Variants in CLCA1 observed in about 807,000 individuals in gnomAD.
CLCA1 encodes chloride channel accessory 1.
CLCA1 carries 59 observed loss-of-function variants against 85.6 expected under a neutral mutation model. That is an observed-to-expected ratio of 0.69 (90% CI 0.56 to 0.86). CLCA1 has a LOEUF of 0.86. CLCA1 is among the 40% of genes least tolerant of loss of function. CLCA1 has a pLI of 0.00. For synonymous variants in CLCA1, 396 were observed against 398.3 expected (o/e 0.99, Z 0.07); for missense variants, 1,022 against 1,101.4 (o/e 0.93, Z 1.02).
Position 86,469,137 on chromosome 1 carries a change from A to G in CLCA1, c.162+4A>G. On this transcript the variant is annotated splice_donor_region_variant and intron_variant, in intron 1 of 13. Transcript: ENST00000394711. ...AACACTCATTCAACAAATAAAGGTA[A>G]GTTCATAGTAATTATCCATACTTTT... 1 of 1,588,964 alleles carries G rather than the reference A, an allele frequency of 6.3e-7. No individual in the cohort carries two copies. Among genetic ancestry groups the G allele is most frequent in the Non-Finnish European group, 8.6e-7 (1 of 1,163,978 alleles).
intron 8 of CLCA1, among the ~76,000 whole-genome samples, chr1:86,489,657 C>T (rs1253650210): frequency 6.6e-6 from 1 of 152,086 alleles, no homozygotes; most frequent in Non-Finnish European, 1.5e-5. Flanking sequence ...AAGATCACTC[C>T]CAAAATGGAA....
chr1:86,485,208 T>C, intron 5 of CLCA1, 135 bp from the exon 6 acceptor site: 2 of 678,706 alleles, frequency 2.9e-6, no homozygotes, highest in Non-Finnish European at 5.1e-6. Flanking sequence ...ACTGTGATTT[T>C]CCCCAGCACT....
chr1:86,488,385 T>G (rs1290945246), intron 7 of CLCA1, among the ~76,000 whole-genome samples: 2 of 152,164 alleles, frequency 1.3e-5, no homozygotes, highest in African/African-American at 4.8e-5. Flanking sequence ...AATAAATAAA[T>G]AATCCAAATA....
At position 86,494,172 on chromosome 1, in the gene CLCA1, A is replaced by G. The variant is rs780887432; in HGVS notation, c.1681-15A>G. The G allele has an allele frequency of 6.2e-7, 1 of 1,613,492 alleles. No homozygotes were observed. Among genetic ancestry groups the G allele is most frequent in the Non-Finnish European group, 8.5e-7 (1 of 1,179,438 alleles). Reference sequence around the variant, plus strand: ...GAAGTTATTCATTGGAAATGTTTACATGTGTTTTGGTCAGGTTGGCACTTG... The same window carrying G: ...GAAGTTATTCATTGGAAATGTTTACGTGTGTTTTGGTCAGGTTGGCACTTG... On this transcript the variant is annotated splice_polypyrimidine_tract_variant and intron_variant, in intron 10 of 13. Coordinates refer to ENST00000394711, the MANE Select transcript of CLCA1 (RefSeq NM_001285.4).
At chr1:86,481,376 C>A (rs369340512) in intron 4 of CLCA1, among the ~76,000 whole-genome samples, 2 of 151,982 alleles carry the variant, frequency 1.3e-5, no homozygotes, top group African/African-American at 4.8e-5. Context: ...TGGCCTCAAG[C>A]AATCCACCCG....
intron 4 of CLCA1, among the ~76,000 whole-genome samples, chr1:86,476,894 C>A (rs1647650985): frequency 6.6e-6 from 1 of 152,060 alleles, no homozygotes; most frequent in Admixed American, 6.6e-5. Flanking sequence ...CTCTTCGGTG[C>A]CTTCAGGGCA....
At chr1:86,483,963 A>C (rs1052277736) in intron 5 of CLCA1, among the ~76,000 whole-genome samples, 6 of 152,178 alleles carry the variant, frequency 3.9e-5, no homozygotes, top group Non-Finnish European at 2.9e-5. Flanking sequence ...AAGGAGAAGC[A>C]AGGCACACCT....
intron 11 of CLCA1, 127 bp downstream of exon 11, chr1:86,494,575 G>A: frequency 1.0e-6 from 1 of 952,380 alleles, no homozygotes; most frequent in Non-Finnish European, 1.6e-6. Flanking sequence ...GGTCTGGTTG[G>A]GAGAGTTCTC....
chr1:86,492,979 T>C (rs923550352), intron 9 of CLCA1, among the ~76,000 whole-genome samples: 1 of 152,150 alleles, frequency 6.6e-6, no homozygotes, highest in South Asian at 2.1e-4. Context: ...AACTGGTAAA[T>C]GAGATGGACA....
rs1296982164 is a variant in CLCA1, at chr1:86,473,320, A to T, written c.163-97A>T. ...CTTCTTCCCATCTTAACAAATAACA[A>T]GTTTTTGAAAATGTGAAATCCAGAT... On this transcript the variant is annotated intron_variant, in intron 1 of 13. Transcript: ENST00000394711. 8 of 843,444 alleles carry T rather than the reference A, an allele frequency of 9.5e-6. No individual in the cohort carries two copies. The Admixed American group carries it at 1.8e-4, about 19-fold the overall frequency. The allele number at this position is 843,444 out of a possible 1,614,324, so 52.2% of individuals were successfully genotyped here. A position where few individuals can be genotyped will look rare whatever the true frequency, so the allele number is the denominator to read the frequency against.
chr1:86,469,185 A>G (rs1210021712), intron 1 of CLCA1, 52 bp downstream of exon 1: 1 of 1,386,410 alleles, frequency 7.2e-7, no homozygotes, highest in Non-Finnish European at 9.9e-7. Context: ...TAATGTTGTG[A>G]TAGAGAGAAC....
At chr1:86,493,714 A>G in intron 10 of CLCA1, 115 bp downstream of exon 10, 1 of 781,224 alleles carries the variant, frequency 1.3e-6, no homozygotes, top group South Asian at 1.8e-5. Flanking sequence ...TCAGTATTGA[A>G]TCAAAGAGAG....
chr1:86,482,891 T>A (rs5744354), intron 5 of CLCA1, among the ~76,000 whole-genome samples: 1 of 152,130 alleles, frequency 6.6e-6, no homozygotes, highest in African/African-American at 2.4e-5. Context: ...AATTCTTAAT[T>A]TTTTTAATGA....
chr1:86,484,586 GA>G (rs1647910256), intron 5 of CLCA1, among the ~76,000 whole-genome samples: 3 of 152,178 alleles, frequency 2.0e-5, no homozygotes, highest in Admixed American at 2.0e-4. Flanking sequence ...CTGTGAGGTG[GA>G]ACAAACAGAG....
At chr1:86,474,562 A>G (rs1647594536) in intron 3 of CLCA1, among the ~76,000 whole-genome samples, 4 of 142,900 alleles carry the variant, frequency 2.8e-5, no homozygotes, top group Non-Finnish European at 1.6e-5. Flanking sequence ...TCAAAAAAAA[A>G]AAAAGGGGGG....
At position 86,473,377 on chromosome 1, in the gene CLCA1, T is replaced by G. The variant is rs1326949444; in HGVS notation, c.163-40T>G. On this transcript the variant is annotated intron_variant, in intron 1 of 13. Transcript: ENST00000394711. The stretch of plus-strand genomic sequence containing the variant: ...TTGAATGACTGATAATTTAATTTAT[T>G]TTCAGTCAATTGTTACGTATGTTTT... 2.8e-6 allele frequency: 4 copies of G among 1,416,018 alleles called. No individual in the cohort carries two copies. The African/African-American group carries it at 5.7e-5, about 20-fold the overall frequency. 87.7% of individuals were successfully genotyped at this position (1,416,018 alleles called of 1,614,324 possible).
At chr1:86,497,889 TC>T (rs770389825) in intron 12 of CLCA1, among the ~76,000 whole-genome samples, 114 of 152,284 alleles carry the variant, frequency 7.5e-4, no homozygotes, top group South Asian at 1.9e-3. Flanking sequence ...ACTCCTGTAA[TC>T]CCAGCACTTT....
At chr1:86,478,439 A>AG (rs1028919508) in intron 4 of CLCA1, among the ~76,000 whole-genome samples, 1 of 151,706 alleles carries the variant, frequency 6.6e-6, no homozygotes, top group Admixed American at 6.6e-5. Flanking sequence ...CGAAAAAAAA[A>AG]AGAGAGAGAG....
chr1:86,498,073 G>A (rs187175720), intron 12 of CLCA1, among the ~76,000 whole-genome samples: 429 of 152,126 alleles, frequency 2.8e-3, no homozygotes, highest in African/African-American at 9.9e-3. Context: ...AACCCAGGAG[G>A]CAGAGGTTGT....
Sources: allele counts gnomAD v4.1 joint callset (sites outside exome capture counted in the v4.1 genomes callset), GRCh38; gene constraint gnomAD v4.1.1; transcripts MANE v1.5; gene names NCBI Gene and HGNC (gene_info 2026-07-23, HGNC 2026-07-21).